The following UGT1A9 variants were observed in gnomAD, a reference collection of about 807,000 sequenced individuals.
UGT1A9 encodes UDP-glucuronosyltransferase 1A9.
UGT1A9 carries 35 observed loss-of-function variants against 45.0 expected under a neutral mutation model. The observed-to-expected ratio is 0.78, with a 90% confidence interval of 0.59 to 1.03. The LOEUF is 1.03. Among genes scored for constraint, UGT1A9 ranks in the 50% least tolerant of loss-of-function variants. UGT1A9 has a pLI of 0.00. For missense variants in UGT1A9, 687 were observed against 666.6 expected (o/e 1.03, Z -0.34); for synonymous variants, 278 against 250.6 (o/e 1.11, Z -1.03).
chr2:233,674,818 G>A (rs148922555), intron 1 of UGT1A9, among the ~76,000 whole-genome samples: 5 of 152,284 alleles, frequency 3.3e-5, no homozygotes, highest in East Asian at 1.9e-4. Flanking sequence ...AAGGCTTTCC[G>A]GCAAAGAGCC....
Position 233,672,551 on chromosome 2 carries a change from G to C in UGT1A9, c.617G>C (p.Arg206Thr). The C allele has an allele frequency of 6.2e-7, 1 of 1,613,946 alleles. No individual in the cohort carries two copies. The highest frequency in any genetic ancestry group is 8.5e-7 in the Non-Finnish European group (1 of 1,179,858). The change falls in exon 1 of 5, where the codon AGA (arginine) becomes ACA (threonine). Residue 206 changes from arginine (R) to threonine (T), a missense_variant. Physicochemically the swap from Arg to Thr is moderately conservative, Grantham distance 71 (BLOSUM62 -1). Transcript: ENST00000354728. ...TCAGATGCCATGACTTTCAAGGAGA[G>C]AGTACGGAACCACATCATGCACTTG... ...GFSDAMTFKERVRNHIMHLEE... is the reference protein window; with the variant it reads ...GFSDAMTFKETVRNHIMHLEE...
At chr2:233,744,534 G>A (rs1692839516) in intron 1 of UGT1A9, among the ~76,000 whole-genome samples, 1 of 151,902 alleles carries the variant, frequency 6.6e-6, no homozygotes. Context: ...TTATTTTTAT[G>A]TAAATTTTAT....
At chr2:233,742,815 T>C (rs1692108353) in intron 1 of UGT1A9, 1 of 153,808 alleles carries the variant, frequency 6.5e-6, no homozygotes. Flanking sequence ...ATTGATATTA[T>C]TTGTAGATTT....
chr2:233,718,793 C>G (rs375687360), intron 1 of UGT1A9: 30 of 1,613,028 alleles, frequency 1.9e-5, no homozygotes, highest in South Asian at 4.4e-5. Flanking sequence ...GTGGGGTGGA[C>G]AGTCAGCTGT....
chr2:233,693,766 G>A (rs2075179392), intron 1 of UGT1A9: 8 of 1,614,122 alleles, frequency 5.0e-6, no homozygotes, highest in African/African-American at 1.3e-5. Context: ...CTGTTTGGCT[G>A]TTAAGATATG....
At chr2:233,693,127 T>A (rs779383196) in intron 1 of UGT1A9, 1 of 1,614,216 alleles carries the variant, frequency 6.2e-7, no homozygotes, top group South Asian at 1.1e-5. Flanking sequence ...ACTGGCTTAG[T>A]ATGAAGGATA....
intron 2 of UGT1A9, 44 bp downstream of exon 2, chr2:233,767,209 A>G: frequency 1.2e-6 from 2 of 1,613,062 alleles, no homozygotes; most frequent in Non-Finnish European, 1.7e-6. Flanking sequence ...TTTTCACAGG[A>G]GCGCTAATCC....
chr2:233,724,379 C>T (rs1274419342), intron 1 of UGT1A9, among the ~76,000 whole-genome samples: 6 of 145,710 alleles, frequency 4.1e-5, no homozygotes, highest in African/African-American at 7.6e-5. Flanking sequence ...GGCTGCCGGG[C>T]GGAGACGCTC....
At chr2:233,695,645 C>T (rs1431820940) in intron 1 of UGT1A9, among the ~76,000 whole-genome samples, 1 of 152,012 alleles carries the variant, frequency 6.6e-6, no homozygotes, top group Non-Finnish European at 1.5e-5. Flanking sequence ...ACTTTTTTAG[C>T]TCCACATATA....
At chr2:233,749,544 A>G (rs1407004260) in intron 1 of UGT1A9, among the ~76,000 whole-genome samples, 1 of 151,906 alleles carries the variant, frequency 6.6e-6, no homozygotes, top group Non-Finnish European at 1.5e-5. Context: ...GTGGTAAAGA[A>G]CAGGCTAATG....
chr2:233,754,186 C>T (rs1695414743), intron 1 of UGT1A9: 1 of 159,716 alleles, frequency 6.3e-6, no homozygotes, highest in Non-Finnish European at 1.4e-5. Flanking sequence ...ATTTCACCAC[C>T]ACACAGTAAA....
intron 4 of UGT1A9, chr2:233,770,235 A>G (rs930818021): frequency 6.6e-6 from 1 of 152,226 alleles, no homozygotes; most frequent in Non-Finnish European, 1.5e-5. Flanking sequence ...GTGAATCTCC[A>G]TGATTCCAAC....
chr2:233,733,436 G>A (rs2078397447), intron 1 of UGT1A9, among the ~76,000 whole-genome samples: 1 of 152,134 alleles, frequency 6.6e-6, no homozygotes, highest in South Asian at 2.1e-4. Context: ...TATGATATTG[G>A]CTGCGGGTTT....
chr2:233,730,377 G>A (rs750998252), intron 1 of UGT1A9, among the ~76,000 whole-genome samples: 101 of 152,334 alleles, frequency 6.6e-4, no homozygotes, highest in Admixed American at 1.4e-3. Flanking sequence ...ATTTTCAGGG[G>A]AAAGATGATG....
intron 1 of UGT1A9, chr2:233,713,329 G>GA: frequency 6.2e-7 from 1 of 1,614,226 alleles, no homozygotes; most frequent in Non-Finnish European, 8.5e-7. Flanking sequence ...TTTTCTAGAA[G>GA]AATGGCAATT....
intron 1 of UGT1A9, among the ~76,000 whole-genome samples, chr2:233,673,121 T>A (rs942765449): frequency 6.6e-6 from 1 of 152,190 alleles, no homozygotes; most frequent in South Asian, 2.1e-4. Context: ...GAGGAAATGG[T>A]CTTAGTTTTG....
chr2:233,710,730 G>T (rs192565787), intron 1 of UGT1A9, among the ~76,000 whole-genome samples: 1 of 152,102 alleles, frequency 6.6e-6, no homozygotes, highest in Non-Finnish European at 1.5e-5. Flanking sequence ...AAAAAACAAC[G>T]TCTTTCAAGG....
At chr2:233,682,022 CTGGTAG>C (rs2074551110) in intron 1 of UGT1A9, 5 of 1,614,110 alleles carry the variant, frequency 3.1e-6, no homozygotes, top group Non-Finnish European at 4.2e-6. Context: ...AGGGAAGCTG[CTGGTAG>C]TGCCCATGGA....
chr2:233,759,131 C>T (rs889675688), intron 1 of UGT1A9, among the ~76,000 whole-genome samples: 18 of 152,174 alleles, frequency 1.2e-4, no homozygotes, highest in African/African-American at 3.6e-4. Flanking sequence ...GCCTCTGGTA[C>T]GCAATGAAGG....
Sources: gnomAD v4.1 joint callset for allele counts (sites outside exome capture counted in the v4.1 genomes callset) on GRCh38, gnomAD v4.1.1 for gene constraint, MANE v1.5 for transcripts, NCBI Gene and HGNC (gene_info 2026-07-23, HGNC 2026-07-21) for gene names.